Variants in ATG10 observed in about 807,000 individuals in gnomAD.
ATG10 encodes ubiquitin-like-conjugating enzyme ATG10.
A neutral mutation model predicts 32.1 loss-of-function variants in ATG10; 30 were observed. The ratio of observed to expected loss-of-function variants is 0.94; its 90% CI spans 0.70 to 1.27. ATG10 has a LOEUF of 1.27. Ranked by LOEUF, ATG10 falls within the 50% of genes most tolerant of loss-of-function variation. The probability of loss-of-function intolerance (pLI) is 0.00; values close to 1 mark genes in which losing one functional copy is unlikely to be tolerated. For missense variants in ATG10, 233 were observed against 262.3 expected, an observed-to-expected ratio of 0.89 and a Z score of 0.77; for synonymous variants, 87 against 91.5, an observed-to-expected ratio of 0.95 and a Z score of 0.28.
chr5:82,104,536 A>G (rs1765385293), intron 3 of ATG10, among the ~76,000 whole-genome samples: 1 of 152,154 alleles, frequency 6.6e-6, no homozygotes, highest in South Asian at 2.1e-4. Context: ...CAAACAACTG[A>G]TTTAACATCC....
intron 5 of ATG10, 100 bp from the exon 6 acceptor site, chr5:82,252,462 T>A: frequency 4.0e-6 from 3 of 747,176 alleles, no homozygotes; most frequent in Middle Eastern, 4.6e-4. Context: ...TAACTTGGAA[T>A]TTGAGACAAA....
chr5:82,212,048 C>G (rs529165515), intron 5 of ATG10, among the ~76,000 whole-genome samples: 2 of 152,334 alleles, frequency 1.3e-5, no homozygotes, highest in African/African-American at 4.8e-5. Context: ...GCAAAACTGC[C>G]AAGTCATTCT....
chr5:82,153,206 C>T (rs1425219490), intron 3 of ATG10, among the ~76,000 whole-genome samples: 1 of 152,174 alleles, frequency 6.6e-6, no homozygotes, highest in Non-Finnish European at 1.5e-5. Context: ...TGAGAGCAAA[C>T]ACCATATCTG....
chr5:81,988,730 G>A (rs1445304827), intron 2 of ATG10, among the ~76,000 whole-genome samples: 2 of 152,134 alleles, frequency 1.3e-5, no homozygotes, highest in African/African-American at 2.4e-5. Context: ...CACCACGCCT[G>A]GCCCAAAGTA....
At chr5:82,204,172 A>C (rs1217768271) in intron 5 of ATG10, among the ~76,000 whole-genome samples, 1 of 152,142 alleles carries the variant, frequency 6.6e-6, no homozygotes, top group Non-Finnish European at 1.5e-5. Flanking sequence ...GTACTGCTTT[A>C]TTTTTTGTAT....
At chr5:82,172,575 C>T (rs1743848722) in intron 4 of ATG10, among the ~76,000 whole-genome samples, 1 of 152,054 alleles carries the variant, frequency 6.6e-6, no homozygotes, top group African/African-American at 2.4e-5. Context: ...CATGTGAAGA[C>T]AAAAACTGCT....
intron 3 of ATG10, among the ~76,000 whole-genome samples, chr5:82,100,927 C>T (rs920353689): frequency 6.6e-6 from 1 of 151,974 alleles, no homozygotes; most frequent in Non-Finnish European, 1.5e-5. Flanking sequence ...CAGATTACAT[C>T]TGGTGGATTG....
At chr5:82,055,236 T>C (rs1484140824) in intron 2 of ATG10, among the ~76,000 whole-genome samples, 1 of 152,124 alleles carries the variant, frequency 6.6e-6, no homozygotes, top group African/African-American at 2.4e-5. Context: ...CTGAGAAGAT[T>C]GATACTGAAA....
At chr5:81,990,465 G>T (rs1163983368) in intron 2 of ATG10, among the ~76,000 whole-genome samples, 1 of 152,202 alleles carries the variant, frequency 6.6e-6, no homozygotes, top group Non-Finnish European at 1.5e-5. Context: ...TGTGTTTGAA[G>T]GGTGAGGAGG....
intron 3 of ATG10, among the ~76,000 whole-genome samples, chr5:82,162,911 A>C (rs1226672187): frequency 6.6e-6 from 1 of 152,184 alleles, no homozygotes; most frequent in Non-Finnish European, 1.5e-5. Flanking sequence ...AGTCTAAAAA[A>C]AATACACTCT....
intron 3 of ATG10, among the ~76,000 whole-genome samples, chr5:82,098,953 G>A (rs1170207258): frequency 6.6e-6 from 1 of 152,164 alleles, no homozygotes; most frequent in Non-Finnish European, 1.5e-5. Flanking sequence ...ATTACATCTT[G>A]AATTTAATTT....
chr5:82,012,770 C>T (rs1296056970), intron 2 of ATG10, among the ~76,000 whole-genome samples: 1 of 152,116 alleles, frequency 6.6e-6, no homozygotes, highest in Admixed American at 6.5e-5. Context: ...ATTCTCCCAC[C>T]TCAGCCTCTC....
Position 82,050,683 on chromosome 5 carries a change from A to G in ATG10, c.109-7812A>G, listed in dbSNP as rs146783587. The stretch of plus-strand genomic sequence containing the variant: ...TAATCCTCTGTCACACTGCTGATTG[A>G]TAGAGACTATTTCAAGTCAAAATCC... On this transcript the variant is annotated intron_variant, in intron 2 of 7. Coordinates refer to ENST00000282185, the MANE Select transcript of ATG10 (RefSeq NM_031482.5). 7.5e-3 allele frequency among the ~76,000 whole-genome samples: 1,142 copies of G among 151,864 alleles called. 8 individuals are homozygous for G. The highest frequency in any genetic ancestry group is 0.011 in the Non-Finnish European group (764 of 67,928).
chr5:82,230,022 G>A (rs1746292331), intron 5 of ATG10, among the ~76,000 whole-genome samples: 1 of 152,178 alleles, frequency 6.6e-6, no homozygotes, highest in South Asian at 2.1e-4. Flanking sequence ...GACATAATGT[G>A]GTTATAAACA....
At chr5:82,149,365 T>G (rs1341791734) in intron 3 of ATG10, among the ~76,000 whole-genome samples, 1 of 149,744 alleles carries the variant, frequency 6.7e-6, no homozygotes, top group Non-Finnish European at 1.5e-5. Flanking sequence ...CCAAATAGAT[T>G]ATTTACACTC....
chr5:82,252,809 T>C (rs1747320757), intron 6 of ATG10, 150 bp downstream of exon 6: 2 of 586,484 alleles, frequency 3.4e-6, no homozygotes, highest in Non-Finnish European at 5.9e-6. Context: ...GATGCTGTTC[T>C]AAGAGTTTTA....
At chr5:82,058,650 C>A (rs570504781) in intron 3 of ATG10, 48 bp downstream of exon 3, 1 of 1,308,064 alleles carries the variant, frequency 7.6e-7, no homozygotes, top group South Asian at 1.3e-5. Context: ...GTAAAGTATA[C>A]ATTTAAAAAT....
At position 82,130,749 on chromosome 5, in the gene ATG10, T is replaced by C. The variant is rs532233889; in HGVS notation, c.217-33650T>C. On this transcript the variant is annotated intron_variant, in intron 3 of 7. Transcript: ENST00000282185. The stretch of plus-strand genomic sequence containing the variant: ...ATGCTGAAATCACCTACTTTCTGCA[T>C]TGATCTCACTGGGAGCTGCAGACCG... 3.3e-5 allele frequency among the ~76,000 whole-genome samples: 5 copies of C among 152,126 alleles called. 1 individual carries two copies. The East Asian group carries it at 7.7e-4, about 24-fold the overall frequency.
chr5:82,052,190 C>T (rs1346135421), intron 2 of ATG10, among the ~76,000 whole-genome samples: 1 of 152,136 alleles, frequency 6.6e-6, no homozygotes, highest in Non-Finnish European at 1.5e-5. Context: ...AGCTTAGACC[C>T]TTAGATAACC....
Sources: allele counts gnomAD v4.1 joint callset (sites outside exome capture counted in the v4.1 genomes callset), GRCh38; gene constraint gnomAD v4.1.1; transcripts MANE v1.5; gene names NCBI Gene and HGNC (gene_info 2026-07-23, HGNC 2026-07-21).